The following PIK3R5 variants were observed in gnomAD, a reference collection of about 807,000 sequenced individuals.
The protein encoded by PIK3R5 is phosphoinositide-3-kinase regulatory subunit 5.
A neutral mutation model predicts 94.9 loss-of-function variants in PIK3R5; 32 were observed. The observed-to-expected ratio is 0.34, with a 90% CI of 0.25 to 0.45. The LOEUF is 0.45. Among genes scored for constraint, PIK3R5 ranks in the 20% least tolerant of loss-of-function variants. PIK3R5 has a pLI of 1.00. For synonymous variants in PIK3R5, 443 were observed against 479.4 expected (o/e 0.92, Z 0.99); for missense variants, 853 against 1,144.6 (o/e 0.75, Z 3.68).
At position 8,890,748 on chromosome 17, in the gene PIK3R5, C is replaced by T. The variant is rs954733942; in HGVS notation, c.647G>A (p.Cys216Tyr). 10 of 1,608,184 alleles carry T rather than the reference C, an allele frequency of 6.2e-6. No homozygotes were observed. The East Asian group carries it at 6.7e-5, about 11-fold the overall frequency. The change falls in exon 7 of 19, where the codon TGC becomes TAC. Residue 216 changes from cysteine to tyrosine, a missense_variant. By Grantham distance (194) the Cys-to-Tyr change is radical. Around this residue, in one of 6 missense-constraint regions of PIK3R5, gnomAD observed 161 missense variants for 249.5 expected, o/e 0.65. Transcript: ENST00000447110. This position sits in a 1 kb window ranked among gnomAD's most constrained non-coding sequence, Gnocchi z 6.1. The stretch of plus-strand genomic sequence containing the variant: ...GCCCCAGGTACATACCTGTAGCCTG[C>T]AGTGCAGGCCCGGGACGTCACAGTG... ...GAHCDVPGLH[C>Y]RLQAKTLAEL...
In PIK3R5 at chr17:8,925,025, TA is replaced by T. The variant is rs772724427; in HGVS notation, c.-13-13519del. ...GATAGTTAGATAGTAGATGGATAGATAGATAGATAGTAGATGAATAGATAGA... is the reference window on the plus strand; with the variant it reads ...GATAGTTAGATAGTAGATGGATAGATGATAGATAGTAGATGAATAGATAGA... On this transcript the variant is annotated intron_variant, in intron 1 of 18. Transcript: ENST00000447110. The surrounding 1 kb of genome is among the most constrained non-coding windows in gnomAD (Gnocchi z 5.1). Among the ~76,000 whole-genome samples the T allele has an allele frequency of 4.6e-5, 7 of 152,104 alleles. No homozygotes were observed. Among genetic ancestry groups the T allele is most frequent in the Non-Finnish European group, 7.3e-5 (5 of 68,036 alleles).
intron 1 of PIK3R5, among the ~76,000 whole-genome samples, chr17:8,942,807 C>T (rs538739708): frequency 2.0e-5 from 3 of 152,086 alleles, no homozygotes; most frequent in East Asian, 3.9e-4. Context: ...GGGGTTTCAC[C>T]GTGTTAGCCA....
At position 8,888,158 on chromosome 17, in the gene PIK3R5, T is replaced by C. The variant is rs1315592314; in HGVS notation, c.1616+13A>G. On this transcript the variant is annotated intron_variant, in intron 10 of 18. Coordinates refer to ENST00000447110, the MANE Select transcript of PIK3R5 (RefSeq NM_001142633.3). This position sits in a 1 kb window ranked among gnomAD's most constrained non-coding sequence, Gnocchi z 7.8. ...ACCCAGGGCAGAGGGATGCTCCGCATTACGGCTCTTACCGAAGGTTGCTGT... is the reference window on the plus strand; with the variant it reads ...ACCCAGGGCAGAGGGATGCTCCGCACTACGGCTCTTACCGAAGGTTGCTGT... The C allele has an allele frequency of 6.2e-7, 1 of 1,612,982 alleles. No homozygotes were observed. Among genetic ancestry groups the C allele is most frequent in the Admixed American group, 1.7e-5 (1 of 60,010 alleles).
At chr17:8,886,185 C>G in intron 14 of PIK3R5, 44 bp downstream of exon 14, 3 of 1,485,062 alleles carry the variant, frequency 2.0e-6, no homozygotes, top group Non-Finnish European at 1.9e-6. Flanking sequence ...GTTTCGCGTC[C>G]CAGGCCCCGC....
intron 1 of PIK3R5, among the ~76,000 whole-genome samples, chr17:8,923,876 C>CG: frequency 6.9e-6 from 1 of 145,884 alleles, no homozygotes; most frequent in Non-Finnish European, 1.5e-5. Context: ...CTTCCCTTCC[C>CG]TTCCCCTCCC....
chr17:8,912,967 C>G (rs574788400), intron 1 of PIK3R5, among the ~76,000 whole-genome samples: 2 of 152,244 alleles, frequency 1.3e-5, no homozygotes, highest in Admixed American at 6.5e-5. Context: ...GGTTCCATCA[C>G]GGGTTCACTG....
At chr17:8,960,403 A>G (rs1297728339) in intron 1 of PIK3R5, among the ~76,000 whole-genome samples, 2 of 152,232 alleles carry the variant, frequency 1.3e-5, no homozygotes, top group Non-Finnish European at 2.9e-5. Context: ...TCACAATTGT[A>G]ATTGAACAAT....
rs2090868059 is a variant in PIK3R5 at position 8,925,554 on chromosome 17, A to G, written c.-13-14047T>C. ...GATAGTAGATAGATAGTAGATGGAT[A>G]GATAGATAGATAGAGAAAAAAGGAA... On this transcript the variant is annotated intron_variant, in intron 1 of 18. Coordinates refer to ENST00000447110, the MANE Select transcript of PIK3R5 (RefSeq NM_001142633.3). This position sits in a 1 kb window ranked among gnomAD's most constrained non-coding sequence, Gnocchi z 5.1. Among the ~76,000 whole-genome samples, 5 of 152,168 alleles carry G rather than the reference A, an allele frequency of 3.3e-5. No individual in the cohort carries two copies. The highest frequency in any genetic ancestry group is 2.1e-4 in the South Asian group (1 of 4,814).
At chr17:8,897,322 G>A (rs959740818) in intron 5 of PIK3R5, among the ~76,000 whole-genome samples, 1 of 152,222 alleles carries the variant, frequency 6.6e-6, no homozygotes, top group Non-Finnish European at 1.5e-5. Context: ...ATACTGGGGG[G>A]AAGGAACCCA....
In PIK3R5 at chr17:8,885,824, T is replaced by C. The variant is rs563531018; in HGVS notation, c.2128+405A>G. On this transcript the variant is annotated intron_variant, in intron 14 of 18. Transcript: ENST00000447110. ...CCCTCCCATGGCCCCACCTCCTGGG[T>C]AACCCCGCCTCCCCAGGGCCCCGCC... Among the ~76,000 whole-genome samples the C allele has an allele frequency of 1.4e-3, 114 of 82,382 alleles. 4 individuals carry two copies. The highest frequency in any genetic ancestry group is 6.1e-3 in the African/African-American group (106 of 17,380). The allele number at this position is 82,382 out of a possible 152,430, so 54.0% of individuals were successfully genotyped here. A position where few individuals can be genotyped will look rare whatever the true frequency, so the allele number is the denominator to read the frequency against.
In PIK3R5 at chr17:8,881,613, G is replaced by A. The variant is rs917330994; in HGVS notation, c.2382+17C>T. The A allele has an allele frequency of 1.1e-5, 17 of 1,600,466 alleles. No individual in the cohort carries two copies. Among genetic ancestry groups the A allele is most frequent in the Middle Eastern group, 1.7e-4 (1 of 6,046 alleles). On this transcript the variant is annotated intron_variant, in intron 17 of 18. Coordinates refer to ENST00000447110, the MANE Select transcript of PIK3R5 (RefSeq NM_001142633.3). The surrounding 1 kb of genome is among the most constrained non-coding windows in gnomAD (Gnocchi z 4.8). The stretch of plus-strand genomic sequence containing the variant: ...AGTCTCTTGAGGGTATGGCTGGAAG[G>A]AGAGGGAAGCCCGTACCTGGTTAAA...
chr17:8,964,648 AG>A (rs1380788566), intron 1 of PIK3R5, among the ~76,000 whole-genome samples: 10 of 152,166 alleles, frequency 6.6e-5, no homozygotes, highest in Non-Finnish European at 1.3e-4. Context: ...GCCACGTTGT[AG>A]GGTTGGCTCC....
intron 1 of PIK3R5, among the ~76,000 whole-genome samples, chr17:8,931,551 A>G (rs1597414601): frequency 6.6e-6 from 1 of 152,310 alleles, no homozygotes; most frequent in South Asian, 2.1e-4. Context: ...GAATGCAAGC[A>G]GAGTACAGGG....
At chr17:8,940,405 CA>C (rs34292505) in intron 1 of PIK3R5, among the ~76,000 whole-genome samples, 128,650 of 152,112 alleles carry the variant, frequency 0.85, 54,686 homozygotes, top group African/African-American at 0.89. Context: ...CGGCCATCCT[CA>C]AGAGCTCATC....
At chr17:8,916,080 G>A (rs909003890) in intron 1 of PIK3R5, 5 of 152,240 alleles carry the variant, frequency 3.3e-5, no homozygotes, top group African/African-American at 4.8e-5. Flanking sequence ...AGGCTTTCTC[G>A]AGCTCGCCCC....
At chr17:8,913,203 TAAGCTGGATGAGG>T (rs2090562815) in intron 1 of PIK3R5, among the ~76,000 whole-genome samples, 2 of 152,156 alleles carry the variant, frequency 1.3e-5, no homozygotes, top group African/African-American at 2.4e-5. Flanking sequence ...AAGGGACATT[TAAGCTGGATGAGG>T]AAGCCAGGGC....
chr17:8,958,772 T>C (rs946232972), intron 1 of PIK3R5, among the ~76,000 whole-genome samples: 36 of 151,916 alleles, frequency 2.4e-4, no homozygotes, highest in Admixed American at 4.6e-4. Context: ...TTTTTTTTTT[T>C]TCTGAGATGA....
At chr17:8,895,976 T>C (rs61759641) in intron 5 of PIK3R5, among the ~76,000 whole-genome samples, 1,750 of 152,274 alleles carry the variant, frequency 0.011, 44 homozygotes, top group African/African-American at 0.039. Flanking sequence ...GTAATGGACC[T>C]CCCTGCTTAG....
At chr17:8,930,596 T>A (rs1281267631) in intron 1 of PIK3R5, among the ~76,000 whole-genome samples, 1 of 152,170 alleles carries the variant, frequency 6.6e-6, no homozygotes, top group East Asian at 1.9e-4. Context: ...TTGTTCAAAA[T>A]GGCCAAAAAC....
Sources: gnomAD v4.1 joint callset for allele counts (sites outside exome capture counted in the v4.1 genomes callset) on GRCh38, gnomAD v4.1.1 for gene constraint, gnomAD v4.1.1 regional missense constraint, Gnocchi (gnomAD v3.1) non-coding constraint, MANE v1.5 for transcripts, NCBI Gene and HGNC (gene_info 2026-07-23, HGNC 2026-07-21) for gene names.